RASGEF1C: variants seen among roughly 807,000 people sequenced by gnomAD.
The protein encoded by RASGEF1C is ras-GEF domain-containing family member 1C.
A neutral mutation model predicts 58.1 loss-of-function variants in RASGEF1C; 27 were observed. That is an observed-to-expected ratio of 0.46 (90% CI 0.34 to 0.64). The LOEUF (loss-of-function observed/expected upper bound fraction) is 0.64. Ranked by LOEUF, RASGEF1C falls within the 30% of genes least tolerant of loss-of-function variation. RASGEF1C has a pLI of 0.01. For missense variants in RASGEF1C, 502 were observed against 605.1 expected (o/e 0.83, Z 1.79); for synonymous variants, 243 against 246.3 (o/e 0.99, Z 0.13).
chr5:180,181,874 T>G (rs1767335246), intron 1 of RASGEF1C, among the ~76,000 whole-genome samples: 1 of 152,014 alleles, frequency 6.6e-6, no homozygotes, highest in Admixed American at 6.5e-5. Context: ...GAGACCACAG[T>G]TTCTTCGGTT....
intron 12 of RASGEF1C, among the ~76,000 whole-genome samples, chr5:180,110,913 T>G (rs1047305122): frequency 1.3e-5 from 2 of 152,118 alleles, no homozygotes; most frequent in Non-Finnish European, 2.9e-5. Flanking sequence ...CCTCCCGGGT[T>G]CAAGTGATTC....
At chr5:180,121,018 T>C in intron 7 of RASGEF1C, 42 bp downstream of exon 7, 1 of 1,477,088 alleles carries the variant, frequency 6.8e-7, no homozygotes, top group Non-Finnish European at 9.5e-7. Context: ...TCCGGCCGCC[T>C]GGGGCTATGC....
intron 4 of RASGEF1C, among the ~76,000 whole-genome samples, chr5:180,133,159 C>T (rs1374398316): frequency 1.3e-5 from 2 of 152,080 alleles, no homozygotes; most frequent in Non-Finnish European, 2.9e-5. Flanking sequence ...GGGAGCCCCA[C>T]AAAGGCTGGG....
rs1179358419 is a variant in RASGEF1C, at chr5:180,185,801, T to A, written c.-7+23227A>T. Among the ~76,000 whole-genome samples the A allele has an allele frequency of 2.0e-5, 3 of 151,996 alleles. No homozygotes were observed. In the South Asian group the frequency reaches 6.2e-4, roughly 32 times the overall value. ...TCAACTGGAGTTAAAAACCTTCTCA[T>A]AAGGAACAAGACAAAGCCAAGCGTG... On this transcript the variant is annotated intron_variant, in intron 1 of 13. Coordinates refer to ENST00000361132, the MANE Select transcript of RASGEF1C (RefSeq NM_175062.4).
intron 1 of RASGEF1C, among the ~76,000 whole-genome samples, chr5:180,188,484 A>T (rs1756080735): frequency 6.6e-6 from 1 of 152,252 alleles, no homozygotes; most frequent in African/African-American, 2.4e-5. Flanking sequence ...GATGCGAGAA[A>T]GCATTGACAA....
At chr5:180,190,323 T>C (rs1756128871) in intron 1 of RASGEF1C, among the ~76,000 whole-genome samples, 1 of 151,680 alleles carries the variant, frequency 6.6e-6, no homozygotes, top group African/African-American at 2.4e-5. Flanking sequence ...CCGTCTCTAC[T>C]AAAAACAAAA....
At chr5:180,112,663 G>T (rs529606070) in intron 11 of RASGEF1C, among the ~76,000 whole-genome samples, 1 of 152,378 alleles carries the variant, frequency 6.6e-6, no homozygotes, top group African/African-American at 2.4e-5. Flanking sequence ...CCTTCCTACA[G>T]ACTCGGGGTC....
At chr5:180,103,366 C>G (rs534741122) in intron 12 of RASGEF1C, among the ~76,000 whole-genome samples, 1 of 152,314 alleles carries the variant, frequency 6.6e-6, no homozygotes, top group Non-Finnish European at 1.5e-5. Flanking sequence ...CGTGAGCCAC[C>G]GCACCCGGCA....
chr5:180,186,703 C>T (rs564893675), intron 1 of RASGEF1C, among the ~76,000 whole-genome samples: 17 of 152,240 alleles, frequency 1.1e-4, no homozygotes, highest in African/African-American at 2.6e-4. Context: ...CAGTGGCTCA[C>T]GCTTGTAATC....
At chr5:180,202,810 C>A (rs1756418190) in intron 1 of RASGEF1C, among the ~76,000 whole-genome samples, 1 of 151,822 alleles carries the variant, frequency 6.6e-6, no homozygotes, top group African/African-American at 2.4e-5. Context: ...TCACGCCATT[C>A]TCCTGCCTCA....
At chr5:180,122,493 C>T (rs1386734337) in intron 6 of RASGEF1C, among the ~76,000 whole-genome samples, 1 of 152,048 alleles carries the variant, frequency 6.6e-6, no homozygotes, top group African/African-American at 2.4e-5. Context: ...GTAATCGCAA[C>T]ACTTTGGGAG....
At chr5:180,176,812 T>C (rs1398679646) in intron 1 of RASGEF1C, among the ~76,000 whole-genome samples, 2 of 152,162 alleles carry the variant, frequency 1.3e-5, no homozygotes, top group African/African-American at 2.4e-5. Flanking sequence ...CGCCTCGGCC[T>C]CCCAAAGTGC....
rs189653938 is a variant in RASGEF1C at position 180,111,514 on chromosome 5, C to T, written c.1246G>A (p.Glu416Lys). ...ITWKQVECPF[E>K]QDASITHYLY... Reference sequence around the variant, plus strand: ...TAGTGGGTGATGCTGGCGTCTTGCTCGAAGGGACACTCCACTTGTTTCCAG... The same window carrying T: ...TAGTGGGTGATGCTGGCGTCTTGCTTGAAGGGACACTCCACTTGTTTCCAG... The change falls in exon 12 of 14, where the codon GAG becomes AAG. Residue 416 changes from glutamate to lysine, a missense_variant. Physicochemically the swap from Glu to Lys is moderately conservative, Grantham distance 56. Transcript: ENST00000361132. 29 of 1,614,188 alleles carry T rather than the reference C, an allele frequency of 1.8e-5. No homozygotes were observed. In the Admixed American group the frequency reaches 2.7e-4, roughly 15 times the overall value.
intron 1 of RASGEF1C, among the ~76,000 whole-genome samples, chr5:180,176,658 G>A (rs754795148): frequency 1.5e-4 from 22 of 151,206 alleles, no homozygotes; most frequent in African/African-American, 9.7e-5. Flanking sequence ...CCGGGTTCAC[G>A]CCATTCTCCT....
intron 1 of RASGEF1C, among the ~76,000 whole-genome samples, chr5:180,186,428 ATAG>A (rs1448839870): frequency 6.6e-6 from 1 of 152,224 alleles, no homozygotes; most frequent in Admixed American, 6.5e-5. Context: ...AATTACATTT[ATAG>A]TAGCATCCAG....
At chr5:180,165,943 G>T (rs767007504) in intron 1 of RASGEF1C, among the ~76,000 whole-genome samples, 3 of 151,436 alleles carry the variant, frequency 2.0e-5, no homozygotes, top group Non-Finnish European at 4.4e-5. Context: ...TAGAGATGGG[G>T]TTTCACCATG....
At chr5:180,114,941 G>A (rs953071161) in intron 10 of RASGEF1C, among the ~76,000 whole-genome samples, 6 of 152,222 alleles carry the variant, frequency 3.9e-5, no homozygotes, top group African/African-American at 1.2e-4. Context: ...TGTGGGCACC[G>A]GGAGGTGCAG....
intron 8 of RASGEF1C, 100 bp downstream of exon 8, chr5:180,119,246 A>C: frequency 2.0e-6 from 2 of 1,014,402 alleles, no homozygotes; most frequent in Non-Finnish European, 3.1e-6. Context: ...CGCTGCTCAG[A>C]GGAGAGCCCT....
chr5:180,101,931 T>G (rs1765792039), intron 13 of RASGEF1C, 140 bp downstream of exon 13: 5 of 660,244 alleles, frequency 7.6e-6, no homozygotes, highest in Non-Finnish European at 1.1e-5. Flanking sequence ...CCCAGGAGGC[T>G]GGTGAGCCGG....
Sources: allele counts gnomAD v4.1 joint callset (sites outside exome capture counted in the v4.1 genomes callset), GRCh38; gene constraint gnomAD v4.1.1; transcripts MANE v1.5; gene names NCBI Gene and HGNC (gene_info 2026-07-23, HGNC 2026-07-21).